The following NXPE3 variants were observed in gnomAD, a reference collection of about 807,000 sequenced individuals.
NXPE3 encodes neurexophilin and PC-esterase domain family member 3, also known as NXPE family member 3.
Under a neutral mutation model 46.1 loss-of-function variants are expected in NXPE3, and 26 were observed. That is an observed-to-expected ratio of 0.56 (90% CI 0.41 to 0.78). The LOEUF (loss-of-function observed/expected upper bound fraction) is 0.78, where lower values mean the gene tolerates loss of function less well. Among genes scored for constraint, NXPE3 ranks in the 30% least tolerant of loss-of-function variants. The pLI is 0.00. For synonymous variants in NXPE3, 272 were observed against 257.9 expected, an observed-to-expected ratio of 1.05 and a Z score of -0.52; for missense variants, 620 against 686.0, an observed-to-expected ratio of 0.90 and a Z score of 1.07.
intron 6 of NXPE3, among the ~76,000 whole-genome samples, chr3:101,811,100 C>A (rs749716123): frequency 6.6e-6 from 1 of 152,164 alleles, no homozygotes; most frequent in East Asian, 1.9e-4. Context: ...GGATTACATG[C>A]GTGAGCCACG....
At chr3:101,821,136 G>A (rs1024658785) in intron 7 of NXPE3, among the ~76,000 whole-genome samples, 2 of 152,144 alleles carry the variant, frequency 1.3e-5, no homozygotes, top group African/African-American at 2.4e-5. Flanking sequence ...GCATAGACAG[G>A]TGTAGTGTAG....
At position 101,826,702 on chromosome 3, in the gene NXPE3, A is replaced by T. The variant is rs1356266335; in HGVS notation, c.*4748A>T. On this transcript the variant is annotated 3_prime_UTR_variant, in exon 8 of 8. Transcript: ENST00000273347. Reference sequence around the variant, plus strand: ...AAATGTACTCCACCACCTTCTGTCTAACTTGTCTCTTAAAAGTGCTTTTAC... The same window carrying T: ...AAATGTACTCCACCACCTTCTGTCTTACTTGTCTCTTAAAAGTGCTTTTAC... 1 of 152,194 alleles carries T rather than the reference A, an allele frequency of 6.6e-6. No individual in the cohort carries two copies. The highest frequency in any genetic ancestry group is 1.9e-4 in the East Asian group (1 of 5,196). The allele number at this position is 152,194 out of a possible 1,614,324, so 9.4% of individuals were successfully genotyped here. A position where few individuals can be genotyped will look rare whatever the true frequency, so the allele number is the denominator to read the frequency against.
chr3:101,789,261 A>T (rs1403975213), intron 4 of NXPE3, among the ~76,000 whole-genome samples: 1 of 152,134 alleles, frequency 6.6e-6, no homozygotes, highest in East Asian at 1.9e-4. Flanking sequence ...TTCTTCTACA[A>T]GGCTGGGTGT....
chr3:101,827,890 C>T lies in NXPE3; in HGVS notation c.*5936C>T. ...CGAAAGAGAGGATGACCGTATTCTG[C>T]ATTTTAGAAAACAGGCTCTTAGCTT... On this transcript the variant is annotated 3_prime_UTR_variant, in exon 8 of 8. Transcript: ENST00000273347. 6.6e-6 allele frequency: 1 copy of T among 152,618 alleles called. No homozygotes were observed. Among genetic ancestry groups the T allele is most frequent in the Non-Finnish European group, 1.5e-5 (1 of 68,148 alleles). The allele number at this position is 152,618 out of a possible 1,614,324, so 9.5% of individuals were successfully genotyped here.
chr3:101,820,854 A>C (rs1047657217), intron 7 of NXPE3, among the ~76,000 whole-genome samples: 17 of 152,324 alleles, frequency 1.1e-4, no homozygotes, highest in East Asian at 7.7e-4. Context: ...AGGAAACAGT[A>C]GACACTGGGG....
In NXPE3 at chr3:101,822,089, T is replaced by A. The variant is rs1328782166; in HGVS notation, c.*135T>A. 1.4e-6 allele frequency: 1 copy of A among 738,770 alleles called. No homozygotes were observed. The highest frequency in any genetic ancestry group is 2.2e-6 in the Non-Finnish European group (1 of 456,324). 45.8% of individuals were successfully genotyped at this position (738,770 alleles called of 1,614,324 possible). ...TCAAAAAGATCTGGACTTAATATGA[T>A]GACTTATAAGGAGCTTAGAAAATGC... On this transcript the variant is annotated 3_prime_UTR_variant, in exon 8 of 8. Coordinates refer to ENST00000273347, the MANE Select transcript of NXPE3 (RefSeq NM_145037.4).
chr3:101,808,997 T>C (rs1305824877), intron 6 of NXPE3, among the ~76,000 whole-genome samples: 1 of 151,694 alleles, frequency 6.6e-6, no homozygotes, highest in Non-Finnish European at 1.5e-5. Context: ...CTACTGGATC[T>C]GTCCTTCTTC....
At chr3:101,808,852 T>TACACAC (rs1560057845) in intron 6 of NXPE3, among the ~76,000 whole-genome samples, 4 of 131,924 alleles carry the variant, frequency 3.0e-5, no homozygotes, top group African/African-American at 1.2e-4. Context: ...TATATATATA[T>TACACAC]ATATGAGACA....
In NXPE3 at chr3:101,801,782, T is replaced by C; in HGVS notation, c.641T>C (p.Phe214Ser). 1 of 1,614,188 alleles carries C rather than the reference T, an allele frequency of 6.2e-7. No homozygotes were observed. ...GACAGGGTCTATTTCAAGAGTCTCTTCCGTTCAGGAAGAATTTCTGAAACT... is the reference window on the plus strand; with the variant it reads ...GACAGGGTCTATTTCAAGAGTCTCTCCCGTTCAGGAAGAATTTCTGAAACT... The part of the protein sequence containing the change: ...KPDRVYFKSL[F>S]RSGRISETTE... The change falls in exon 5 of 8, where the codon TTC becomes TCC. Residue 214 changes from phenylalanine to serine, a missense_variant. Physicochemically the swap from Phe to Ser is radical, Grantham distance 155. Around this residue, in one of 3 missense-constraint regions of NXPE3, gnomAD observed 511 missense variants for 528.6 expected, o/e 0.97. Coordinates refer to ENST00000273347, the MANE Select transcript of NXPE3 (RefSeq NM_145037.4).
rs781022980 is a variant in NXPE3 at position 101,801,962 on chromosome 3, C to T, written c.821C>T (p.Thr274Ile). The T allele has an allele frequency of 1.1e-5, 18 of 1,611,256 alleles. No individual in the cohort carries two copies. In the African/African-American group the frequency reaches 2.1e-4, roughly 19 times the overall value. ...GGTGGATACCTGAAAGGTCTCCTAACCGCTGCAGAGAGTGCTTTCTTCCAG... is the reference window on the plus strand; with the variant it reads ...GGTGGATACCTGAAAGGTCTCCTAATCGCTGCAGAGAGTGCTTTCTTCCAG... Reference protein sequence around the residue: ...FKGGYLKGLLTAAESAFFQSG... With the variant: ...FKGGYLKGLLIAAESAFFQSG... The change falls in exon 5 of 8, where the codon ACC (threonine) becomes ATC (isoleucine). Residue 274 changes from threonine to isoleucine, a missense_variant. Physicochemically the swap from Thr to Ile is moderately conservative, Grantham distance 89. This residue lies in a region of NXPE3 where 511 missense variants were observed against 528.6 expected (regional missense o/e 0.97). Coordinates refer to ENST00000273347, the MANE Select transcript of NXPE3 (RefSeq NM_145037.4).
At chr3:101,793,556 T>G (rs1334951446) in intron 4 of NXPE3, among the ~76,000 whole-genome samples, 1 of 151,312 alleles carries the variant, frequency 6.6e-6, no homozygotes, top group Non-Finnish European at 1.5e-5. Context: ...TGTTTTTTAT[T>G]TGTCCCACCT....
intron 4 of NXPE3, among the ~76,000 whole-genome samples, chr3:101,799,846 T>A (rs1403900264): frequency 6.6e-6 from 1 of 152,226 alleles, no homozygotes; most frequent in Non-Finnish European, 1.5e-5. Context: ...ATCAAATTTA[T>A]GGGCATAGAA....
chr3:101,803,811 G>C (rs572450433), intron 5 of NXPE3, among the ~76,000 whole-genome samples: 1 of 152,272 alleles, frequency 6.6e-6, no homozygotes, highest in East Asian at 1.9e-4. Context: ...GTAGAAATGT[G>C]GTTTCACTAT....
In NXPE3 at chr3:101,827,738, C is replaced by T. The variant is rs1255931449; in HGVS notation, c.*5784C>T. On this transcript the variant is annotated 3_prime_UTR_variant, in exon 8 of 8. Coordinates refer to ENST00000273347, the MANE Select transcript of NXPE3 (RefSeq NM_145037.4). ...GGAGCCGGCCCTCGAGGGGAATGTC[C>T]GGGACTCGGGTCGGTACCTTTTTGG... Among the ~76,000 whole-genome samples the T allele has an allele frequency of 2.6e-5, 4 of 152,102 alleles. No homozygotes were observed. In the South Asian group the frequency reaches 6.2e-4, roughly 24 times the overall value.
intron 4 of NXPE3, among the ~76,000 whole-genome samples, chr3:101,795,424 A>G (rs1434010141): frequency 6.6e-6 from 1 of 151,840 alleles, no homozygotes; most frequent in Non-Finnish European, 1.5e-5. Flanking sequence ...AGGCTGAGAC[A>G]TGAGAATCAC....
intron 4 of NXPE3, among the ~76,000 whole-genome samples, chr3:101,800,624 G>A (rs1024815119): frequency 1.3e-5 from 2 of 151,788 alleles, no homozygotes; most frequent in African/African-American, 4.8e-5. Flanking sequence ...AGACTATAAT[G>A]TAGATTCATC....
At chr3:101,805,090 C>T (rs1941348692) in intron 5 of NXPE3, among the ~76,000 whole-genome samples, 2 of 152,026 alleles carry the variant, frequency 1.3e-5, no homozygotes, top group African/African-American at 4.8e-5. Flanking sequence ...ATAATTTTTT[C>T]CCCTGAACCA....
intron 4 of NXPE3, among the ~76,000 whole-genome samples, chr3:101,794,133 A>G (rs1254275246): frequency 6.7e-6 from 1 of 149,342 alleles, no homozygotes; most frequent in Non-Finnish European, 1.5e-5. Flanking sequence ...CAGTTGTTTC[A>G]TGTGAGAGGC....
chr3:101,799,269 C>G, intron 4 of NXPE3, among the ~76,000 whole-genome samples: 1 of 151,978 alleles, frequency 6.6e-6, no homozygotes, highest in East Asian at 1.9e-4. Flanking sequence ...AAAGATGAGG[C>G]CTCTGCTTCA....
Sources: gnomAD v4.1 joint callset for allele counts (sites outside exome capture counted in the v4.1 genomes callset) on GRCh38, gnomAD v4.1.1 for gene constraint, gnomAD v4.1.1 regional missense constraint, MANE v1.5 for transcripts, NCBI Gene and HGNC (gene_info 2026-07-23, HGNC 2026-07-21) for gene names.